The following TENM2 variants were observed in gnomAD, a reference collection of about 807,000 sequenced individuals.
The protein encoded by TENM2 is teneurin transmembrane protein 2, also known as teneurin-2.
TENM2 carries 52 observed loss-of-function variants against 245.2 expected under a neutral mutation model. The observed-to-expected ratio is 0.21, with a 90% CI of 0.17 to 0.27. TENM2 has a LOEUF of 0.27. Among genes scored for constraint, TENM2 ranks in the 10% least tolerant of loss-of-function variants. TENM2 has a pLI of 1.00. For missense variants in TENM2, 3,046 were observed against 3,666.8 expected, an observed-to-expected ratio of 0.83 and a Z score of 4.37; for synonymous variants, 1,363 against 1,438.9, an observed-to-expected ratio of 0.95 and a Z score of 1.19.
intron 1 of TENM2, among the ~76,000 whole-genome samples, chr5:167,335,580 A>C (rs1340848014): frequency 2.6e-5 from 4 of 152,074 alleles, no homozygotes; most frequent in Admixed American, 2.6e-4. Flanking sequence ...CAGCGATTTC[A>C]CAATTAGCAC....
At chr5:167,335,903 G>A (rs777266349) in intron 1 of TENM2, among the ~76,000 whole-genome samples, 4 of 152,020 alleles carry the variant, frequency 2.6e-5, no homozygotes, top group Non-Finnish European at 4.4e-5. Context: ...AGGTGTGCTG[G>A]GCTGTGTTCA....
At chr5:167,672,004 G>A (rs1324455895) in intron 2 of TENM2, among the ~76,000 whole-genome samples, 1 of 151,942 alleles carries the variant, frequency 6.6e-6, no homozygotes, top group African/African-American at 2.4e-5. Context: ...CAACAAACCT[G>A]TGAAACTAGT....
intron 2 of TENM2, among the ~76,000 whole-genome samples, chr5:167,788,319 C>A (rs776419595): frequency 2.0e-5 from 3 of 152,298 alleles, no homozygotes; most frequent in Non-Finnish European, 4.4e-5. Flanking sequence ...TATTGCTTTT[C>A]TCTTCCTTAA....
In TENM2 at chr5:167,563,140, T is replaced by C. The variant is rs548168765; in HGVS notation, c.502+187667T>C. Among the ~76,000 whole-genome samples, 6 of 152,254 alleles carry C rather than the reference T, an allele frequency of 3.9e-5. No individual in the cohort carries two copies. In the East Asian group the frequency reaches 1.2e-3, roughly 29 times the overall value. On this transcript the variant is annotated intron_variant, in intron 2 of 28. Coordinates refer to ENST00000518659, the Ensembl canonical transcript of TENM2. ...GAAAAGACCAAGCCTCAGATATATTTGGCTTTATTTTTAGGCTTTTCCTGA... is the reference window on the plus strand; with the variant it reads ...GAAAAGACCAAGCCTCAGATATATTCGGCTTTATTTTTAGGCTTTTCCTGA...
At chr5:167,393,414 A>G (rs1761879690) in intron 2 of TENM2, among the ~76,000 whole-genome samples, 2 of 152,164 alleles carry the variant, frequency 1.3e-5, no homozygotes, top group South Asian at 4.1e-4. Flanking sequence ...CAAGGAACAG[A>G]GAAACTAGCT....
chr5:167,837,810 T>G (rs899907892), intron 2 of TENM2, among the ~76,000 whole-genome samples: 11 of 152,094 alleles, frequency 7.2e-5, no homozygotes, highest in African/African-American at 2.7e-4. Context: ...CTTGGTTTTT[T>G]TTTTTTCTGC....
intron 2 of TENM2, among the ~76,000 whole-genome samples, chr5:167,737,124 C>A (rs949776018): frequency 3.3e-5 from 5 of 152,156 alleles, no homozygotes; most frequent in Admixed American, 6.5e-5. Flanking sequence ...TTTTTAAGTT[C>A]ATTAGTTAAC....
chr5:167,934,834 G>A, intron 3 of TENM2: 1 of 985,214 alleles, frequency 1.0e-6, no homozygotes, highest in Non-Finnish European at 1.2e-6. Flanking sequence ...CGGGCAGCTA[G>A]CAAAGACCAG....
At chr5:167,172,005 C>T in the TENM2 span, among the ~76,000 whole-genome samples, 1 of 152,286 alleles carries the variant, frequency 6.6e-6, no homozygotes, top group South Asian at 2.1e-4. Context: ...ACAAAATCAG[C>T]ATTAAATGTT....
At chr5:167,448,212 T>G (rs548427193) in intron 2 of TENM2, among the ~76,000 whole-genome samples, 15 of 152,216 alleles carry the variant, frequency 9.9e-5, no homozygotes, top group African/African-American at 3.6e-4. Context: ...AATTCATTAC[T>G]GTACCAGTGC....
chr5:167,249,366 A>G, the TENM2 span, among the ~76,000 whole-genome samples: 1 of 152,166 alleles, frequency 6.6e-6, no homozygotes, highest in African/African-American at 2.4e-5. Flanking sequence ...CATTTAGCTA[A>G]TGAACATTGC....
intron 5 of TENM2, among the ~76,000 whole-genome samples, chr5:168,036,692 T>TATA (rs1015884398): frequency 1.7e-5 from 2 of 115,626 alleles, no homozygotes; most frequent in African/African-American, 8.9e-5. Context: ...TATATATATA[T>TATA]ATATATATGT....
At chr5:167,465,872 A>G (rs1240660746) in intron 2 of TENM2, among the ~76,000 whole-genome samples, 1 of 152,058 alleles carries the variant, frequency 6.6e-6, no homozygotes, top group Non-Finnish European at 1.5e-5. Context: ...CAAGGTCACA[A>G]AACTACACTA....
At chr5:167,370,341 CAAAAAAAAAAAAAAAAAA>C (rs35067759) in intron 1 of TENM2, among the ~76,000 whole-genome samples, 3 of 73,472 alleles carry the variant, frequency 4.1e-5, no homozygotes, top group Non-Finnish European at 9.3e-5. Flanking sequence ...GACTCCGTCT[CAAAAAAAAAAAAAAAAAA>C]AAAAAAAAAA....
chr5:167,993,950 G>A (rs1448422308), intron 5 of TENM2, among the ~76,000 whole-genome samples: 1 of 152,232 alleles, frequency 6.6e-6, no homozygotes, highest in Non-Finnish European at 1.5e-5. Context: ...CACAGAAAGT[G>A]GCAGATGCTG....
At chr5:167,508,180 A>G (rs1158510081) in intron 2 of TENM2, among the ~76,000 whole-genome samples, 2 of 152,164 alleles carry the variant, frequency 1.3e-5, no homozygotes, top group Admixed American at 6.5e-5. Context: ...GCTCACACAT[A>G]TTTCACTTTA....
At chr5:167,361,598 CTT>C (rs755721017) in intron 1 of TENM2, among the ~76,000 whole-genome samples, 2 of 152,330 alleles carry the variant, frequency 1.3e-5, no homozygotes, top group East Asian at 1.9e-4. Flanking sequence ...CTTTTTGTCA[CTT>C]TTTCAGGAGA....
chr5:168,133,192 G>A (rs1754743966), intron 12 of TENM2, among the ~76,000 whole-genome samples: 1 of 152,174 alleles, frequency 6.6e-6, no homozygotes, highest in Admixed American at 6.5e-5. Flanking sequence ...GAATAGTCAT[G>A]TAGGGCTTTT....
intron 1 of TENM2, among the ~76,000 whole-genome samples, chr5:167,313,037 G>A (rs1201625142): frequency 6.6e-6 from 1 of 151,458 alleles, no homozygotes; most frequent in African/African-American, 2.4e-5. Flanking sequence ...CAAGTAGCTG[G>A]GATTACAGGC....
Sources: allele counts gnomAD v4.1 joint callset (sites outside exome capture counted in the v4.1 genomes callset), GRCh38; gene constraint gnomAD v4.1.1; transcripts MANE v1.5; gene names NCBI Gene and HGNC (gene_info 2026-07-23, HGNC 2026-07-21).